SPSB3: variants seen among roughly 807,000 people sequenced by gnomAD.
The protein encoded by SPSB3 is splA/ryanodine receptor domain and SOCS box containing 3.
A neutral mutation model predicts 29.5 loss-of-function variants in SPSB3; 18 were observed. That is an observed-to-expected ratio of 0.61 (90% CI 0.42 to 0.91). The LOEUF (loss-of-function observed/expected upper bound fraction) is 0.91, where lower values mean the gene tolerates loss of function less well. SPSB3 is among the 40% of genes least tolerant of loss of function. The pLI, the probability that SPSB3 is intolerant of heterozygous loss-of-function variation, is 0.00. For synonymous variants in SPSB3, 299 were observed against 214.1 expected (o/e 1.40, Z -3.46); for missense variants, 540 against 507.5 (o/e 1.06, Z -0.61).
At position 1,777,294 on chromosome 16, in the gene SPSB3, C is replaced by T. The variant is rs748063814; in HGVS notation, c.871G>A (p.Asp291Asn). ...CCHRLRQLRP[D>N]SGDTLEGLPL... ...AGACCCTCCAGCGTGTCTCCCGAGT[C>T]TGGCCGCAGCTGGCGCAGGCGGTGG... is the stretch of plus-strand genomic sequence containing the variant. The change falls in exon 7 of 7, where the codon GAC (aspartate) becomes AAC (asparagine). Residue 291 changes from aspartate (D) to asparagine (N), a missense_variant. Asp to Asn is a conservative substitution (Grantham distance 23). Coordinates refer to ENST00000566339, the MANE Select transcript of SPSB3 (RefSeq NM_080861.4). 2.5e-6 allele frequency: 4 copies of T among 1,609,986 alleles called. No homozygotes were observed. The highest frequency in any genetic ancestry group is 2.5e-6 in the Non-Finnish European group (3 of 1,179,780).
intron 6 of SPSB3, 68 bp from the exon 7 acceptor site, chr16:1,777,511 G>A: frequency 7.0e-7 from 1 of 1,422,002 alleles, no homozygotes; most frequent in Non-Finnish European, 9.3e-7. Context: ...CAGCCCCTCA[G>A]ACCTCACGCT....
Position 1,777,988 on chromosome 16 carries a change from G to A in SPSB3, c.553C>T (p.Leu185=), listed in dbSNP as rs762474074. The change falls in exon 5 of 7, where the codon CTG becomes TTG. Residue 185 remains leucine (L), a synonymous_variant. Transcript: ENST00000566339. ...CAGCTGTCCTCATCCCTGCCCAGCA[G>A]GCTGCAGAACGTGTGGCGGTATTTG... ...LDKYRHTFCS[L]LGRDEDSWGL... is the part of the protein sequence containing the mutation. The A allele has an allele frequency of 1.2e-6, 2 of 1,613,194 alleles. No homozygotes were observed. The highest frequency in any genetic ancestry group is 1.7e-5 in the Admixed American group (1 of 60,028).
At chr16:1,778,657 A>G (rs1457678765) in intron 2 of SPSB3, 45 bp from the exon 3 acceptor site, 2 of 1,510,308 alleles carry the variant, frequency 1.3e-6, no homozygotes, top group South Asian at 2.6e-5. Context: ...CCCGCTCTCT[A>G]CCCTCTCACC....
At chr16:1,778,782 G>A (rs928973974) in intron 2 of SPSB3, 170 bp from the exon 3 acceptor site, 21 of 664,880 alleles carry the variant, frequency 3.2e-5, no homozygotes, top group Middle Eastern at 4.3e-4. Context: ...CCCTCCCAAC[G>A]GGCTCCGGCT....
At chr16:1,777,647 A>G in intron 6 of SPSB3, 100 bp downstream of exon 6, 1 of 1,545,910 alleles carries the variant, frequency 6.5e-7, no homozygotes, top group South Asian at 1.2e-5. Context: ...TTCTGGGAGG[A>G]ACCCTTTCAG....
At chr16:1,779,190 T>C (rs2042758019) in intron 2 of SPSB3, 1 of 152,624 alleles carries the variant, frequency 6.6e-6, no homozygotes, top group Non-Finnish European at 1.5e-5. Flanking sequence ...CTGTTCCATT[T>C]TTCTTCTTTT....
rs1394757178 is a variant in SPSB3, at chr16:1,777,977, C to T, written c.564G>A (p.Arg188=). The part of the protein sequence containing the change: ...YRHTFCSLLG[R]DEDSWGLSYT... ...AGGAGAGGCCCCAGCTGTCCTCATC[C>T]CTGCCCAGCAGGCTGCAGAACGTGT... The change falls in exon 5 of 7, where the codon AGG becomes AGA. Residue 188 remains arginine, a synonymous_variant. Transcript: ENST00000566339. 2 of 1,613,036 alleles carry T rather than the reference C, an allele frequency of 1.2e-6. No individual in the cohort carries two copies. Among genetic ancestry groups the T allele is most frequent in the African/African-American group, 2.7e-5 (2 of 74,924 alleles).
rs759660478 is a variant in SPSB3, at chr16:1,781,455, G to A, written c.29C>T (p.Ala10Val). The change falls in exon 2 of 7, where the codon GCC (alanine) becomes GTC (valine). Residue 10 changes from alanine to valine, a missense_variant. Coordinates refer to ENST00000566339, the MANE Select transcript of SPSB3 (RefSeq NM_080861.4). ...GGCTGCACTCAGGACGAAGTGCCAG[G>A]CCCTGCTGTTCCGGGGGCGTCTGGC... MARRPRNSR[A>V]WHFVLSAARR... 2 of 1,612,722 alleles carry A rather than the reference G, an allele frequency of 1.2e-6. No individual in the cohort carries two copies. Among genetic ancestry groups the A allele is most frequent in the East Asian group, 2.2e-5 (1 of 44,890 alleles).
chr16:1,777,718 G>A (rs2042734814), intron 6 of SPSB3, 29 bp downstream of exon 6: 3 of 1,608,104 alleles, frequency 1.9e-6, no homozygotes, highest in Non-Finnish European at 2.5e-6. Context: ...TGACAGCTGA[G>A]AGGAGCTCAA....
chr16:1,777,266 G>T lies in SPSB3; in HGVS notation c.899C>A (p.Pro300Gln). The change falls in exon 7 of 7, where the codon CCG becomes CAG. Residue 300 changes from proline (P) to glutamine (Q), a missense_variant. By Grantham distance (76) the Pro-to-Gln change is moderately conservative. Transcript: ENST00000566339. ...CACCTGCTTGAGGCCCGGCGGCAGC[G>T]GCAGACCCTCCAGCGTGTCTCCCGA... ...PDSGDTLEGL[P>Q]LPPGLKQVLH... 6.2e-7 allele frequency: 1 copy of T among 1,610,588 alleles called. No individual in the cohort carries two copies.
At chr16:1,781,200 G>T in intron 2 of SPSB3, 158 bp downstream of exon 2, 1 of 1,556,478 alleles carries the variant, frequency 6.4e-7, no homozygotes, top group Non-Finnish European at 8.6e-7. Context: ...TACTGAATGC[G>T]GTGCATCCAG....
In SPSB3 at chr16:1,777,890, C is replaced by T. The variant is rs559627334; in HGVS notation, c.596-18G>A. On this transcript the variant is annotated intron_variant, in intron 5 of 6. Coordinates refer to ENST00000566339, the MANE Select transcript of SPSB3 (RefSeq NM_080861.4). ...GAGGAGGCCTGGGGGCAGCCAGGGT[C>T]GCAGTGAGCCCGGGAGCTCCAGGCT... 1.4e-5 allele frequency: 23 copies of T among 1,611,876 alleles called. No individual in the cohort carries two copies. Among genetic ancestry groups the T allele is most frequent in the Middle Eastern group, 3.3e-4 (2 of 6,006 alleles).
chr16:1,781,458 C>A lies in SPSB3; in HGVS notation c.26G>T (p.Arg9Met), dbSNP rs368425768. The change falls in exon 2 of 7, where the codon AGG (arginine) becomes ATG (methionine). Residue 9 changes from arginine to methionine, a missense_variant. Arg to Met is a moderately conservative substitution (Grantham distance 91). Transcript: ENST00000566339. MARRPRNS[R>M]AWHFVLSAAR... Reference sequence around the variant, plus strand: ...TGCACTCAGGACGAAGTGCCAGGCCCTGCTGTTCCGGGGGCGTCTGGCCAT... The same window carrying A: ...TGCACTCAGGACGAAGTGCCAGGCCATGCTGTTCCGGGGGCGTCTGGCCAT... The A allele has an allele frequency of 8.1e-6, 13 of 1,612,656 alleles. No individual in the cohort carries two copies. The highest frequency in any genetic ancestry group is 1.3e-5 in the African/African-American group (1 of 74,928).
intron 2 of SPSB3, 100 bp downstream of exon 2, chr16:1,781,258 T>G (rs1333588651): frequency 6.2e-7 from 1 of 1,607,446 alleles, no homozygotes; most frequent in East Asian, 2.2e-5. Flanking sequence ...GAAGCATCTT[T>G]TTCTCCGACT....
rs367556087 is a variant in SPSB3, at chr16:1,777,923, G to A, written c.595+23C>T. ...GCCCGGGAGCTCCAGGCTCGGCCCCGCCCCACCCTGGGCCTCACGCACCCG... is the reference window on the plus strand; with the variant it reads ...GCCCGGGAGCTCCAGGCTCGGCCCCACCCCACCCTGGGCCTCACGCACCCG... On this transcript the variant is annotated intron_variant, in intron 5 of 6. Transcript: ENST00000566339. 2.8e-4 allele frequency: 453 copies of A among 1,611,986 alleles called. No individual in the cohort carries two copies. Among genetic ancestry groups the A allele is most frequent in the Middle Eastern group, 6.6e-4 (4 of 6,056 alleles).
chr16:1,782,292 G>A (rs1385673035), intron 1 of SPSB3: 7 of 151,930 alleles, frequency 4.6e-5, no homozygotes, highest in South Asian at 4.1e-4. Flanking sequence ...TGTGCAGCGG[G>A]AGCCGCCCTC....
intron 2 of SPSB3, chr16:1,781,156 G>C: frequency 6.5e-7 from 1 of 1,527,076 alleles, no homozygotes; most frequent in Non-Finnish European, 8.8e-7. Flanking sequence ...TCACCCCTGA[G>C]GCTGTGTGTG....
At position 1,777,423 on chromosome 16, in the gene SPSB3, G is replaced by A; in HGVS notation, c.742C>T (p.Gln248Ter). 2.0e-6 allele frequency: 3 copies of A among 1,537,902 alleles called. No individual in the cohort carries two copies. The highest frequency in any genetic ancestry group is 2.6e-6 in the Non-Finnish European group (3 of 1,144,450). Residue 248 changes from glutamine (Q) to a stop codon, truncating the protein, a stop_gained, in exon 7 of 7, where the codon CAG becomes TAG. Transcript: ENST00000566339. LOFTEE classifies it low-confidence loss of function (END_TRUNC). Reference sequence around the variant, plus strand: ...ACCATCGGGTAGAATCTCTTGTTCTGCAGCTTGGTGGCTGCCACACCTGGA... The same window carrying A: ...ACCATCGGGTAGAATCTCTTGTTCTACAGCTTGGTGGCTGCCACACCTGGA... ...KCIGVAATKL[Q>*]NKRFYPMVCS...
chr16:1,778,031 C>A lies in SPSB3; in HGVS notation c.510G>T (p.Thr170=). 1 of 1,613,226 alleles carries A rather than the reference C, an allele frequency of 6.2e-7. No individual in the cohort carries two copies. Among genetic ancestry groups the A allele is most frequent in the Non-Finnish European group, 8.5e-7 (1 of 1,180,002 alleles). Residue 170 remains threonine, a synonymous_variant, in exon 5 of 7, where the codon ACG becomes ACT. Coordinates refer to ENST00000566339, the MANE Select transcript of SPSB3 (RefSeq NM_080861.4). ...YGTDMMVGIG[T]SDVDLDKYRH... ...GGTATTTGTCCAGGTCCACATCCGACGTCCCGATGCCCACCATCTAGGAAC... is the reference window on the plus strand; with the variant it reads ...GGTATTTGTCCAGGTCCACATCCGAAGTCCCGATGCCCACCATCTAGGAAC...
Sources: gnomAD v4.1 joint callset for allele counts on GRCh38, gnomAD v4.1.1 for gene constraint, MANE v1.5 for transcripts, NCBI Gene and HGNC (gene_info 2026-07-23, HGNC 2026-07-21) for gene names.